Variants in NCAPH observed in about 807,000 individuals in gnomAD.
NCAPH encodes the protein condensin complex subunit 2.
In NCAPH, 38 loss-of-function variants were observed where a neutral mutation model predicts 85.5. The observed-to-expected ratio is 0.44, with a 90% CI of 0.34 to 0.58. The LOEUF (loss-of-function observed/expected upper bound fraction) is 0.58, where lower values mean the gene tolerates loss of function less well. Ranked by LOEUF, NCAPH falls within the 20% of genes least tolerant of loss-of-function variation. NCAPH has a pLI of 0.01. For missense variants in NCAPH, 789 were observed against 916.6 expected, an observed-to-expected ratio of 0.86 and a Z score of 1.80; for synonymous variants, 301 against 335.1, an observed-to-expected ratio of 0.90 and a Z score of 1.11.
At chr2:96,360,846 CAAAT>C (rs1396513176) in intron 12 of NCAPH, 136 bp downstream of exon 12, 20 of 1,114,938 alleles carry the variant, frequency 1.8e-5, no homozygotes, top group Non-Finnish European at 2.4e-5. Flanking sequence ...GCCAGGAAAT[CAAAT>C]AGATAAGGCA....
Position 96,368,889 on chromosome 2 carries a change from T to A in NCAPH, c.1999-83T>A, listed in dbSNP as rs565972280. 11 of 1,300,620 alleles carry A rather than the reference T, an allele frequency of 8.5e-6. No homozygotes were observed. The South Asian group carries it at 1.4e-4, about 16-fold the overall frequency. The allele number at this position is 1,300,620 out of a possible 1,614,324, so 80.6% of individuals were successfully genotyped here. On this transcript the variant is annotated intron_variant, in intron 15 of 17. Coordinates refer to ENST00000240423, the MANE Select transcript of NCAPH (RefSeq NM_015341.5). ...TTTCATTTTGTTTAGGTATAGACTT[T>A]TTGGTGACACAACTTTATTTTTGTT...
chr2:96,358,148 T>C (rs1220026220), intron 9 of NCAPH, among the ~76,000 whole-genome samples: 5 of 152,116 alleles, frequency 3.3e-5, no homozygotes, highest in Non-Finnish European at 7.4e-5. Context: ...AAAACCAAAC[T>C]GAAACTGCCA....
At chr2:96,341,606 C>G (rs1275847246) in intron 1 of NCAPH, 36 bp from the exon 2 acceptor site, 1 of 1,595,512 alleles carries the variant, frequency 6.3e-7, no homozygotes, top group East Asian at 2.2e-5. Flanking sequence ...AGGAAATGTT[C>G]TCTTGAAGGT....
intron 12 of NCAPH, 24 bp from the exon 13 acceptor site, chr2:96,364,457 T>C: frequency 6.7e-7 from 1 of 1,483,866 alleles, no homozygotes; most frequent in Non-Finnish European, 9.4e-7. Flanking sequence ...CAAAATAGCT[T>C]TCTGCATTTA....
At chr2:96,356,334 GAT>G (rs1192777427) in intron 9 of NCAPH, among the ~76,000 whole-genome samples, 7 of 152,106 alleles carry the variant, frequency 4.6e-5, no homozygotes, top group Non-Finnish European at 1.0e-4. Flanking sequence ...CTAGCCCTGA[GAT>G]GTGGGGCAAT....
chr2:96,370,950 G>A (rs537536813), intron 17 of NCAPH, among the ~76,000 whole-genome samples: 15 of 152,298 alleles, frequency 9.8e-5, no homozygotes, highest in Non-Finnish European at 1.6e-4. Flanking sequence ...GCGGAGAGAG[G>A]ACATGCCCTG....
At chr2:96,363,749 GTC>G (rs2064658648) in intron 12 of NCAPH, among the ~76,000 whole-genome samples, 1 of 152,176 alleles carries the variant, frequency 6.6e-6, no homozygotes, top group Non-Finnish European at 1.5e-5. Context: ...AGAGCTGGAT[GTC>G]TCTCCTTGTT....
At position 96,377,080 on chromosome 2, in the gene NCAPH, T is replaced by A. The variant is rs2064840084; in HGVS notation, c.*3729T>A. Among the ~76,000 whole-genome samples, 1 of 150,734 alleles carries A rather than the reference T, an allele frequency of 6.6e-6. No homozygotes were observed. Among genetic ancestry groups the A allele is most frequent in the African/African-American group, 2.4e-5 (1 of 40,962 alleles). ...AACTATTTAAAAAATAATAAAATTT[T>A]AAAAAATTGTCTTTATGTTGCCTTT... On this transcript the variant is annotated 3_prime_UTR_variant, in exon 18 of 18. Coordinates refer to ENST00000240423, the MANE Select transcript of NCAPH (RefSeq NM_015341.5).
At chr2:96,347,422 T>C (rs553157810) in intron 6 of NCAPH, among the ~76,000 whole-genome samples, 2 of 92,746 alleles carry the variant, frequency 2.2e-5, no homozygotes, top group East Asian at 6.0e-4. Flanking sequence ...TATTGTAATA[T>C]CTAAGATTTT....
chr2:96,350,811 A>G (rs2064430259), intron 6 of NCAPH, among the ~76,000 whole-genome samples: 1 of 152,154 alleles, frequency 6.6e-6, no homozygotes. Context: ...TCTCCATAGT[A>G]GCCACGTTCT....
At chr2:96,337,940 T>A (rs1297579949) in intron 1 of NCAPH, among the ~76,000 whole-genome samples, 3 of 151,886 alleles carry the variant, frequency 2.0e-5, no homozygotes, top group African/African-American at 7.3e-5. Context: ...CCTTTTTTTT[T>A]TTCTGAGACA....
Position 96,341,775 on chromosome 2 carries a change from C to T in NCAPH, c.153C>T (p.Val51=). Residue 51 remains valine, a synonymous_variant, in exon 2 of 18, where the codon GTC becomes GTT. Coordinates refer to ENST00000240423, the MANE Select transcript of NCAPH (RefSeq NM_015341.5). ...KAPLNIPGTP[V]LEDFPQNDDE... ...CTCTCAATATTCCTGGCACCCCAGT[C>T]CTCGAAGACTTTCCTCAGAATGACG... is the stretch of plus-strand genomic sequence containing the variant. 1 of 1,614,180 alleles carries T rather than the reference C, an allele frequency of 6.2e-7. No individual in the cohort carries two copies. Among genetic ancestry groups the T allele is most frequent in the Non-Finnish European group, 8.5e-7 (1 of 1,180,028 alleles).
At position 96,344,166 on chromosome 2, in the gene NCAPH, A is replaced by T. The variant is rs1249650628; in HGVS notation, c.657A>T (p.Leu219Phe). ...KKAVKPKKKH[L>F]HRTIEQNINN... ...CTGTAAAGCCAAAGAAGAAGCACTT[A>T]CACAGAACTATTGAGCAGAACATAA... The change falls in exon 6 of 18, where the codon TTA (leucine) becomes TTT (phenylalanine). Residue 219 changes from leucine to phenylalanine, a missense_variant. Leu to Phe is a conservative substitution (Grantham distance 22). Transcript: ENST00000240423. The T allele has an allele frequency of 6.2e-7, 1 of 1,613,708 alleles. No individual in the cohort carries two copies. The highest frequency in any genetic ancestry group is 2.2e-5 in the East Asian group (1 of 44,900).
chr2:96,350,442 A>G (rs2064424295), intron 6 of NCAPH, among the ~76,000 whole-genome samples: 1 of 152,102 alleles, frequency 6.6e-6, no homozygotes, highest in Non-Finnish European at 1.5e-5. Context: ...ATTACTCTGG[A>G]TAGCATTTGA....
chr2:96,359,082 A>C lies in NCAPH; in HGVS notation c.1246A>C (p.Thr416Pro), dbSNP rs749516892. The change falls in exon 10 of 18, where the codon ACC (threonine) becomes CCC (proline). Residue 416 changes from threonine (T) to proline (P), a missense_variant. By Grantham distance (38) the Thr-to-Pro change is conservative. Coordinates refer to ENST00000240423, the MANE Select transcript of NCAPH (RefSeq NM_015341.5). ...MISLGDGDIR[T>P]MCPLLSMKPG... ...TTCCCTTGGGGATGGAGACATCAGG[A>C]CCATGTGCCCCCTTCTGTCTATGAA... 9 of 1,614,202 alleles carry C rather than the reference A, an allele frequency of 5.6e-6. No individual in the cohort carries two copies. The highest frequency in any genetic ancestry group is 1.7e-6 in the Non-Finnish European group (2 of 1,180,026).
intron 1 of NCAPH, among the ~76,000 whole-genome samples, chr2:96,338,768 C>T (rs1189905723): frequency 6.6e-6 from 1 of 152,176 alleles, no homozygotes; most frequent in East Asian, 1.9e-4. Flanking sequence ...ATGTAACCCT[C>T]CACAGCTGCA....
intron 1 of NCAPH, among the ~76,000 whole-genome samples, chr2:96,336,640 C>CT (rs1284494443): frequency 3.3e-5 from 5 of 152,176 alleles, no homozygotes; most frequent in African/African-American, 9.7e-5. Context: ...GTATGTGTGA[C>CT]TTACGGGAGA....
rs764328619 is a variant in NCAPH, at chr2:96,344,091, A to G, written c.596-14A>G. 4 of 1,606,430 alleles carry G rather than the reference A, an allele frequency of 2.5e-6. No individual in the cohort carries two copies. The highest frequency in any genetic ancestry group is 3.4e-6 in the Non-Finnish European group (4 of 1,177,752). Reference sequence around the variant, plus strand: ...AGCAGCCCTTGCAGTACGCAATTGTATTTCTCCTTTTAGATGGAAGTGCTA... The same window carrying G: ...AGCAGCCCTTGCAGTACGCAATTGTGTTTCTCCTTTTAGATGGAAGTGCTA... On this transcript the variant is annotated splice_polypyrimidine_tract_variant and intron_variant, in intron 5 of 17. Coordinates refer to ENST00000240423, the MANE Select transcript of NCAPH (RefSeq NM_015341.5).
At chr2:96,339,299 T>TAG in intron 1 of NCAPH, among the ~76,000 whole-genome samples, 1 of 152,200 alleles carries the variant, frequency 6.6e-6, no homozygotes, top group African/African-American at 2.4e-5. Context: ...CCTTTTACAG[T>TAG]AGAAGTCTTT....
Sources: gnomAD v4.1 joint callset for allele counts (sites outside exome capture counted in the v4.1 genomes callset) on GRCh38, gnomAD v4.1.1 for gene constraint, MANE v1.5 for transcripts, NCBI Gene and HGNC (gene_info 2026-07-23, HGNC 2026-07-21) for gene names.